Variants in ARIH1 observed in about 807,000 individuals in gnomAD.
ARIH1 encodes E3 ubiquitin-protein ligase ARIH1.
A neutral mutation model predicts 85.0 loss-of-function variants in ARIH1; 8 were observed. That is an observed-to-expected ratio of 0.09 (90% confidence interval 0.06 to 0.17). The LOEUF is 0.17. Among genes scored for constraint, ARIH1 ranks in the 10% least tolerant of loss-of-function variants. The pLI, the probability that ARIH1 is intolerant of heterozygous loss-of-function variation, is 1.00. For missense variants in ARIH1, 311 were observed against 718.1 expected, an observed-to-expected ratio of 0.43 and a Z score of 6.48; for synonymous variants, 238 against 253.6, an observed-to-expected ratio of 0.94 and a Z score of 0.59.
chr15:72,519,805 A>T (rs1360440530), intron 2 of ARIH1, among the ~76,000 whole-genome samples: 5 of 151,834 alleles, frequency 3.3e-5, no homozygotes, highest in Middle Eastern at 3.2e-3. Flanking sequence ...TTTTGACATC[A>T]GTGGTGTTTC....
intron 3 of ARIH1, among the ~76,000 whole-genome samples, chr15:72,553,615 T>C (rs192315358): frequency 6.6e-6 from 1 of 152,136 alleles, no homozygotes; most frequent in African/African-American, 2.4e-5. Flanking sequence ...TTCTGGACAT[T>C]TCATATGAAA....
intron 1 of ARIH1, among the ~76,000 whole-genome samples, chr15:72,507,359 C>T (rs1471716689): frequency 6.6e-6 from 1 of 152,166 alleles, no homozygotes; most frequent in Non-Finnish European, 1.5e-5. Flanking sequence ...TTGTCATACT[C>T]TTGAATATGG....
chr15:72,575,551 CAAAAAAAAAAAAA>C (rs59727915), intron 11 of ARIH1, among the ~76,000 whole-genome samples: 1 of 60,562 alleles, frequency 1.7e-5, no homozygotes, highest in Non-Finnish European at 3.2e-5. Flanking sequence ...ACCCTGTCTC[CAAAAAAAAAAAAA>C]AAAAAAAAAA....
chr15:72,550,314 A>C (rs2140426913), intron 3 of ARIH1, among the ~76,000 whole-genome samples: 1 of 152,362 alleles, frequency 6.6e-6, no homozygotes, highest in African/African-American at 2.4e-5. Flanking sequence ...CTAGACTAGA[A>C]GTCAAAAAAG....
rs11410633 is a variant in ARIH1, at chr15:72,590,580, A to AT, written c.*7295dup. ...GACATGGGCTTTTTAAAAGATTACT[A>AT]TTTTTTTAGAGGTGGGGTCTCACTA... On this transcript the variant is annotated 3_prime_UTR_variant, in exon 14 of 14. Transcript: ENST00000379887. The AT allele has an allele frequency of 0.74, 112,766 of 151,742 alleles. 47,820 individuals are homozygous for AT. Among genetic ancestry groups the AT allele is most frequent in the Non-Finnish European group, 0.93 (63,376 of 67,996 alleles). 9.4% of individuals were successfully genotyped at this position (151,742 alleles called of 1,614,324 possible). A position where few individuals can be genotyped will look rare whatever the true frequency, so the allele number is the denominator to read the frequency against.
chr15:72,576,054 C>G (rs969981460), intron 11 of ARIH1, among the ~76,000 whole-genome samples: 6 of 152,110 alleles, frequency 3.9e-5, no homozygotes, highest in African/African-American at 1.4e-4. Context: ...TTGTATAATG[C>G]TGGATCATGT....
intron 2 of ARIH1, among the ~76,000 whole-genome samples, chr15:72,531,410 G>A (rs1055091805): frequency 1.3e-5 from 2 of 152,072 alleles, no homozygotes; most frequent in African/African-American, 2.4e-5. Context: ...TGGAATTACA[G>A]GCACGAGCCA....
At chr15:72,525,900 C>T (rs2064025819) in intron 2 of ARIH1, among the ~76,000 whole-genome samples, 1 of 152,046 alleles carries the variant, frequency 6.6e-6, no homozygotes, top group Non-Finnish European at 1.5e-5. Context: ...CTCAGCCCCA[C>T]AAAGTGCTGG....
At chr15:72,495,076 A>T (rs1005984918) in intron 1 of ARIH1, among the ~76,000 whole-genome samples, 1 of 152,184 alleles carries the variant, frequency 6.6e-6, no homozygotes, top group Non-Finnish European at 1.5e-5. Flanking sequence ...TGTTCATGAC[A>T]GGCTCTCAGC....
intron 2 of ARIH1, among the ~76,000 whole-genome samples, chr15:72,519,485 T>G (rs1191515804): frequency 0.045 from 5,828 of 130,882 alleles, 86 homozygotes; most frequent in East Asian, 0.12. Context: ...GTTTTTTTTT[T>G]TTTTTTTTTT....
chr15:72,563,595 A>G, intron 7 of ARIH1, 95 bp downstream of exon 7: 1 of 1,031,806 alleles, frequency 9.7e-7, no homozygotes, highest in Non-Finnish European at 1.5e-6. Context: ...AAAAGTGTTT[A>G]CCTTAGGCAG....
chr15:72,577,584 A>C (rs1271793125), intron 11 of ARIH1, among the ~76,000 whole-genome samples: 2 of 152,100 alleles, frequency 1.3e-5, no homozygotes, highest in African/African-American at 4.8e-5. Context: ...AAGGCAGGAG[A>C]ATCACTTGAA....
intron 1 of ARIH1, among the ~76,000 whole-genome samples, chr15:72,495,558 A>C (rs889028035): frequency 2.0e-5 from 3 of 152,232 alleles, no homozygotes; most frequent in Admixed American, 6.5e-5. Context: ...TAAACAAAAG[A>C]ATATACAAAT....
intron 8 of ARIH1, 84 bp from the exon 9 acceptor site, chr15:72,567,022 A>G: frequency 2.0e-6 from 2 of 1,000,486 alleles, no homozygotes; most frequent in Admixed American, 2.2e-5. Flanking sequence ...TTTACATTTA[A>G]GCTTGACTAT....
rs1440199831 is a variant in ARIH1 at position 72,585,826 on chromosome 15, G to C, written c.*2534G>C. On this transcript the variant is annotated 3_prime_UTR_variant, in exon 14 of 14. Coordinates refer to ENST00000379887, the MANE Select transcript of ARIH1 (RefSeq NM_005744.5). The stretch of plus-strand genomic sequence containing the variant: ...TTTGACAGAATTCCCAGAGTGAATT[G>C]CTTGTGTTATTAGTAGATTCAGTGC... 6.6e-6 allele frequency: 1 copy of C among 152,154 alleles called. No individual in the cohort carries two copies. Among genetic ancestry groups the C allele is most frequent in the Non-Finnish European group, 1.5e-5 (1 of 68,018 alleles). 9.4% of individuals were successfully genotyped at this position (152,154 alleles called of 1,614,324 possible). A position where few individuals can be genotyped will look rare whatever the true frequency, so the allele number is the denominator to read the frequency against.
intron 11 of ARIH1, among the ~76,000 whole-genome samples, chr15:72,579,558 GTTCT>G (rs2064287217): frequency 6.6e-6 from 1 of 152,160 alleles, no homozygotes; most frequent in South Asian, 2.1e-4. Flanking sequence ...TGATGTAAAT[GTTCT>G]TTATCACCAG....
chr15:72,475,578 T>C (rs1364372379), intron 1 of ARIH1, among the ~76,000 whole-genome samples: 1 of 152,248 alleles, frequency 6.6e-6, no homozygotes, highest in East Asian at 1.9e-4. Flanking sequence ...GAAGAGGTGC[T>C]GATGGGCCTT....
rs527507820 is a variant in ARIH1 at position 72,562,214 on chromosome 15, G to T, written c.804+665G>T. Among the ~76,000 whole-genome samples the T allele has an allele frequency of 2.6e-4, 40 of 152,174 alleles. 1 individual carries two copies. The highest frequency in any genetic ancestry group is 6.8e-3 in the Middle Eastern group (2 of 292). ...ATTACCAGTAAATCTTGTTAATAAAGAATGCTATCCTTTATTGGACCATGC... is the reference window on the plus strand; with the variant it reads ...ATTACCAGTAAATCTTGTTAATAAATAATGCTATCCTTTATTGGACCATGC... On this transcript the variant is annotated intron_variant, in intron 6 of 13. Transcript: ENST00000379887.
intron 5 of ARIH1, among the ~76,000 whole-genome samples, chr15:72,558,599 G>T (rs2064184913): frequency 6.6e-6 from 1 of 152,226 alleles, no homozygotes; most frequent in South Asian, 2.1e-4. Context: ...ACCAAGCCTG[G>T]CCAATAACTA....
Sources: allele counts gnomAD v4.1 joint callset (sites outside exome capture counted in the v4.1 genomes callset), GRCh38; gene constraint gnomAD v4.1.1; transcripts MANE v1.5; gene names NCBI Gene and HGNC (gene_info 2026-07-23, HGNC 2026-07-21).